Variants in GPHN observed in about 807,000 individuals in gnomAD.
GPHN encodes gephyrin.
GPHN carries 17 observed loss-of-function variants against 95.5 expected under a neutral mutation model. The observed-to-expected ratio is 0.18, with a 90% CI of 0.12 to 0.27. GPHN has a LOEUF of 0.27. Among genes scored for constraint, GPHN ranks in the 10% least tolerant of loss-of-function variants. The pLI is 1.00. For missense variants in GPHN, 660 were observed against 978.1 expected, an observed-to-expected ratio of 0.67 and a Z score of 4.34; for synonymous variants, 320 against 322.5, an observed-to-expected ratio of 0.99 and a Z score of 0.08.
the GPHN span, chr14:67,584,194 C>G: frequency 6.6e-7 from 1 of 1,507,872 alleles, no homozygotes; most frequent in Non-Finnish European, 9.1e-7. Flanking sequence ...TGAGCCATAC[C>G]AATTTGCAGC....
At chr14:67,371,077 C>T in the GPHN span, among the ~76,000 whole-genome samples, 1 of 152,024 alleles carries the variant, frequency 6.6e-6, no homozygotes, top group Non-Finnish European at 1.5e-5. Flanking sequence ...TTGTATCAGA[C>T]ATTTAAGGCA....
chr14:67,547,249 G>A, the GPHN span, among the ~76,000 whole-genome samples: 2 of 152,152 alleles, frequency 1.3e-5, no homozygotes, highest in African/African-American at 4.8e-5. Flanking sequence ...TGGGGTGGGA[G>A]ACTTAAGAAA....
At chr14:67,372,890 G>A in the GPHN span, among the ~76,000 whole-genome samples, 1 of 151,850 alleles carries the variant, frequency 6.6e-6, no homozygotes, top group African/African-American at 2.4e-5. Flanking sequence ...TTAAAGGAGC[G>A]AAAGTTTTGA....
intron 1 of GPHN, among the ~76,000 whole-genome samples, chr14:66,567,114 G>A (rs907660620): frequency 3.3e-5 from 5 of 152,108 alleles, no homozygotes; most frequent in Non-Finnish European, 5.9e-5. Context: ...TTTGGGGCAT[G>A]GATGGCATCC....
At chr14:67,528,624 C>T in the GPHN span, among the ~76,000 whole-genome samples, 2 of 152,192 alleles carry the variant, frequency 1.3e-5, no homozygotes, top group African/African-American at 4.8e-5. Flanking sequence ...TGAGCTCCAC[C>T]AGCTCCCAAC....
At chr14:67,675,047 C>T in the GPHN span, among the ~76,000 whole-genome samples, 1 of 152,218 alleles carries the variant, frequency 6.6e-6, no homozygotes, top group African/African-American at 2.4e-5. Context: ...GTCTAGACGT[C>T]GTCCTCACTG....
At chr14:67,379,787 TG>T in the GPHN span, among the ~76,000 whole-genome samples, 1 of 147,586 alleles carries the variant, frequency 6.8e-6, no homozygotes, top group Non-Finnish European at 1.5e-5. Context: ...CCCAAATAGC[TG>T]GGACTACAGG....
chr14:67,125,169 G>C (rs2153693883), intron 17 of GPHN, among the ~76,000 whole-genome samples: 1 of 152,144 alleles, frequency 6.6e-6, no homozygotes, highest in East Asian at 1.9e-4. Context: ...CTTAGTCTTA[G>C]AGTGCTATAT....
intron 8 of GPHN, among the ~76,000 whole-genome samples, chr14:66,927,398 A>G (rs1218356599): frequency 6.6e-6 from 1 of 151,332 alleles, no homozygotes. Context: ...TTGATTTTGT[A>G]TCCTGCCACT....
intron 9 of GPHN, among the ~76,000 whole-genome samples, chr14:67,001,141 T>C (rs905767957): frequency 6.6e-6 from 1 of 151,558 alleles, no homozygotes; most frequent in Non-Finnish European, 1.5e-5. Context: ...TATATGTATC[T>C]TTGAGAGAGA....
At chr14:66,662,795 G>T (rs971505393) in intron 1 of GPHN, among the ~76,000 whole-genome samples, 3 of 152,194 alleles carry the variant, frequency 2.0e-5, no homozygotes, top group African/African-American at 7.2e-5. Flanking sequence ...ACCTGATAGC[G>T]CTGAAGAAAA....
intron 1 of GPHN, among the ~76,000 whole-genome samples, chr14:66,629,241 A>ATATTTATATACGTATAT (rs1566729731): frequency 1.1e-4 from 16 of 146,524 alleles, no homozygotes; most frequent in Middle Eastern, 3.6e-3. Flanking sequence ...ATATAAATAT[A>ATATTTATATACGTATAT]AAACACACGT....
At chr14:67,100,453 A>T (rs768770) in intron 12 of GPHN, among the ~76,000 whole-genome samples, 38,369 of 151,786 alleles carry the variant, frequency 0.25, 9,793 homozygotes, top group African/African-American at 0.62. Context: ...AAATCCATTT[A>T]TATATATATA....
At chr14:67,075,344 A>G (rs531415433) in intron 11 of GPHN, among the ~76,000 whole-genome samples, 1 of 152,296 alleles carries the variant, frequency 6.6e-6, no homozygotes, top group South Asian at 2.1e-4. Flanking sequence ...ATTTCTTTCA[A>G]AATATAACTA....
the GPHN span, chr14:67,279,441 G>A: frequency 6.2e-7 from 1 of 1,613,462 alleles, no homozygotes; most frequent in Non-Finnish European, 8.5e-7. Flanking sequence ...TAAGAAACTA[G>A]CCCAAATTCC....
chr14:67,639,103 CCTT>C, the GPHN span, among the ~76,000 whole-genome samples: 6 of 152,190 alleles, frequency 3.9e-5, no homozygotes, highest in Admixed American at 3.9e-4. Flanking sequence ...CGACTGAAAT[CCTT>C]CTATGAAATT....
chr14:66,643,905 A>G (rs1360879878), intron 1 of GPHN, among the ~76,000 whole-genome samples: 1 of 151,884 alleles, frequency 6.6e-6, no homozygotes, highest in African/African-American at 2.4e-5. Flanking sequence ...AATAATACTG[A>G]TTATGTTCAC....
chr14:67,575,557 T>C, the GPHN span: 1 of 864,696 alleles, frequency 1.2e-6, no homozygotes, highest in Non-Finnish European at 1.9e-6. Flanking sequence ...TGAAAGTCCC[T>C]ACCCCACGTA....
At chr14:66,839,552 A>G (rs929922749) in intron 4 of GPHN, among the ~76,000 whole-genome samples, 3 of 152,208 alleles carry the variant, frequency 2.0e-5, no homozygotes, top group Non-Finnish European at 4.4e-5. Context: ...TTTTTACAAA[A>G]TGGAGGTATT....
Sources: gnomAD v4.1 joint callset for allele counts (sites outside exome capture counted in the v4.1 genomes callset) on GRCh38, gnomAD v4.1.1 for gene constraint, MANE v1.5 for transcripts, NCBI Gene and HGNC (gene_info 2026-07-23, HGNC 2026-07-21) for gene names.